Variants in ESRRG observed in about 807,000 individuals in gnomAD.
ESRRG encodes estrogen related receptor gamma, also known as estrogen-related receptor gamma.
Under a neutral mutation model 44.0 loss-of-function variants are expected in ESRRG, and 13 were observed. The observed-to-expected ratio is 0.30, with a 90% CI of 0.19 to 0.47. ESRRG has a LOEUF of 0.47. Among genes scored for constraint, ESRRG ranks in the 20% least tolerant of loss-of-function variants. ESRRG has a pLI of 1.00. For missense variants in ESRRG, 395 were observed against 580.6 expected, an observed-to-expected ratio of 0.68 and a Z score of 3.29; for synonymous variants, 215 against 214.6, an observed-to-expected ratio of 1.00 and a Z score of -0.02.
rs11572569 is a variant in ESRRG, at chr1:216,842,843, C to T, written c.-14+96739G>A. On this transcript the variant is annotated intron_variant, in intron 2 of 7. Transcript: ENST00000359162. The stretch of plus-strand genomic sequence containing the variant: ...AGTGTTGAAAACTGCTTTATTGCCT[C>T]ATGTGCCAGCTGTGATCTGACATAC... Among the ~76,000 whole-genome samples, 8 of 152,198 alleles carry T rather than the reference C, an allele frequency of 5.3e-5. No homozygotes were observed. In the East Asian group the frequency reaches 1.5e-3, roughly 29 times the overall value.
At chr1:217,101,507 C>G (rs914837008) in intron 1 of ESRRG, among the ~76,000 whole-genome samples, 1 of 152,194 alleles carries the variant, frequency 6.6e-6, no homozygotes, top group Admixed American at 6.5e-5. Context: ...GCATTTCAAA[C>G]TGATAAGATA....
At chr1:217,024,337 G>A (rs2080857132) in intron 1 of ESRRG, among the ~76,000 whole-genome samples, 1 of 149,754 alleles carries the variant, frequency 6.7e-6, no homozygotes, top group Non-Finnish European at 1.5e-5. Context: ...CAGCCTGAGC[G>A]ACAGAGCAAG....
At chr1:217,020,326 G>T (rs1468342264) in intron 1 of ESRRG, among the ~76,000 whole-genome samples, 1 of 152,164 alleles carries the variant, frequency 6.6e-6, no homozygotes, top group Admixed American at 6.5e-5. Context: ...ATACTCACTT[G>T]TCCATCAGAC....
At chr1:217,124,460 T>C (rs1484722342) in intron 1 of ESRRG, among the ~76,000 whole-genome samples, 1 of 152,170 alleles carries the variant, frequency 6.6e-6, no homozygotes, top group African/African-American at 2.4e-5. Flanking sequence ...CAACATATCT[T>C]TAAATATTAT....
At chr1:217,019,064 A>G (rs927618366) in intron 1 of ESRRG, among the ~76,000 whole-genome samples, 1 of 152,172 alleles carries the variant, frequency 6.6e-6, no homozygotes, top group African/African-American at 2.4e-5. Context: ...CCACTCACTA[A>G]CTTTAAAGTT....
At chr1:216,646,478 G>A (rs183593595) in intron 3 of ESRRG, among the ~76,000 whole-genome samples, 23 of 152,212 alleles carry the variant, frequency 1.5e-4, no homozygotes, top group African/African-American at 3.9e-4. Flanking sequence ...AGGCTAAAGC[G>A]AGTTAGTCTT....
intron 1 of ESRRG, among the ~76,000 whole-genome samples, chr1:217,005,632 A>T (rs1037751442): frequency 2.2e-4 from 34 of 152,134 alleles, no homozygotes; most frequent in Middle Eastern, 3.4e-3. Flanking sequence ...TTTAACTCCA[A>T]AGATAACCTC....
intron 2 of ESRRG, among the ~76,000 whole-genome samples, chr1:216,873,209 G>GTTT (rs754735743): frequency 0.055 from 5,860 of 105,818 alleles, 895 homozygotes; most frequent in African/African-American, 0.19. Flanking sequence ...CATCTTTTCA[G>GTTT]TTTTTTTTTT....
intron 1 of ESRRG, among the ~76,000 whole-genome samples, chr1:216,977,898 A>T (rs2073256624): frequency 2.0e-5 from 3 of 152,164 alleles, no homozygotes; most frequent in Non-Finnish European, 4.4e-5. Context: ...CCTGATAAAA[A>T]GGGTGAGTTT....
intron 2 of ESRRG, among the ~76,000 whole-genome samples, chr1:216,830,676 G>A (rs2095473725): frequency 1.3e-5 from 2 of 152,132 alleles, no homozygotes; most frequent in South Asian, 4.1e-4. Context: ...CATGTCTCTT[G>A]AGAGGATTTG....
At chr1:216,545,025 A>G (rs1321257435) in intron 5 of ESRRG, among the ~76,000 whole-genome samples, 1 of 151,922 alleles carries the variant, frequency 6.6e-6, no homozygotes, top group Admixed American at 6.6e-5. Flanking sequence ...ACAATATATT[A>G]CATATAATGA....
At chr1:216,510,455 C>G (rs907236453) in intron 6 of ESRRG, among the ~76,000 whole-genome samples, 1 of 152,142 alleles carries the variant, frequency 6.6e-6, no homozygotes, top group Non-Finnish European at 1.5e-5. Flanking sequence ...TAGTTCAGAT[C>G]ATTTACTTTG....
chr1:216,903,054 T>A (rs1028334098), intron 2 of ESRRG, among the ~76,000 whole-genome samples: 3 of 152,218 alleles, frequency 2.0e-5, no homozygotes, highest in African/African-American at 7.2e-5. Context: ...CACCTGTGCA[T>A]AATTGTATAC....
chr1:217,062,912 T>G (rs2088849519), intron 1 of ESRRG, among the ~76,000 whole-genome samples: 1 of 152,138 alleles, frequency 6.6e-6, no homozygotes. Context: ...GCAGGAAGAA[T>G]CATGAAAACA....
At chr1:217,059,887 A>G (rs553151291) in intron 1 of ESRRG, among the ~76,000 whole-genome samples, 12 of 152,242 alleles carry the variant, frequency 7.9e-5, no homozygotes, top group Non-Finnish European at 1.8e-4. Context: ...AGAGGATTCA[A>G]GGGCTTGTCA....
At chr1:216,874,875 G>A (rs1209108499) in intron 2 of ESRRG, among the ~76,000 whole-genome samples, 1 of 152,186 alleles carries the variant, frequency 6.6e-6, no homozygotes, top group Non-Finnish European at 1.5e-5. Context: ...TTTCTCCCAT[G>A]CTGGATACTT....
intron 2 of ESRRG, among the ~76,000 whole-genome samples, chr1:216,773,044 T>C (rs1178304622): frequency 6.6e-6 from 1 of 152,104 alleles, no homozygotes; most frequent in Non-Finnish European, 1.5e-5. Context: ...CTAATGGTCT[T>C]AGTCTGCCCT....
intron 2 of ESRRG, among the ~76,000 whole-genome samples, chr1:216,774,372 G>A (rs2093510071): frequency 1.3e-5 from 2 of 152,116 alleles, no homozygotes; most frequent in Admixed American, 6.5e-5. Context: ...GGATGTGAAA[G>A]CACATGACGT....
At chr1:216,595,949 A>G (rs756738146) in intron 3 of ESRRG, among the ~76,000 whole-genome samples, 2 of 152,218 alleles carry the variant, frequency 1.3e-5, no homozygotes, top group African/African-American at 4.8e-5. Flanking sequence ...GCCATGTTTC[A>G]TATGCATGAT....
Sources: allele counts gnomAD v4.1 joint callset (sites outside exome capture counted in the v4.1 genomes callset), GRCh38; gene constraint gnomAD v4.1.1; transcripts MANE v1.5; gene names NCBI Gene and HGNC (gene_info 2026-07-23, HGNC 2026-07-21).